The following MYO9A variants were observed in gnomAD, a reference collection of about 807,000 sequenced individuals.
MYO9A encodes the protein unconventional myosin-IXa.
MYO9A carries 103 observed loss-of-function variants against 293.3 expected under a neutral mutation model. The ratio of observed to expected loss-of-function variants is 0.35; its 90% CI spans 0.30 to 0.41. MYO9A has a LOEUF of 0.41. MYO9A is among the 10% of genes least tolerant of loss of function. The pLI, the probability that MYO9A is intolerant of heterozygous loss-of-function variation, is 1.00. For missense variants in MYO9A, 2,685 were observed against 3,033.0 expected, an observed-to-expected ratio of 0.89 and a Z score of 2.69; for synonymous variants, 1,001 against 1,035.7, an observed-to-expected ratio of 0.97 and a Z score of 0.64.
At chr15:71,925,414 T>G (rs2058285802) in intron 18 of MYO9A, among the ~76,000 whole-genome samples, 1 of 151,498 alleles carries the variant, frequency 6.6e-6, no homozygotes, top group Admixed American at 6.6e-5. Context: ...TATACATATC[T>G]ATGTATATGT....
rs1457583166 is a variant in MYO9A at position 71,825,935 on chromosome 15, A to G, written c.*645T>C. On this transcript the variant is annotated 3_prime_UTR_variant, in exon 42 of 42. Transcript: ENST00000356056. ...AAATAGGTATTCTCTTCTTCACTGTATAACAAGATATCTGAGACACGCTCT... is the reference window on the plus strand; with the variant it reads ...AAATAGGTATTCTCTTCTTCACTGTGTAACAAGATATCTGAGACACGCTCT... The G allele has an allele frequency of 1.3e-5, 2 of 151,744 alleles. No homozygotes were observed. The highest frequency in any genetic ancestry group is 1.5e-5 in the Non-Finnish European group (1 of 67,986). The allele number at this position is 151,744 out of a possible 1,614,324, so 9.4% of individuals were successfully genotyped here. A position where few individuals can be genotyped will look rare whatever the true frequency, so the allele number is the denominator to read the frequency against.
intron 8 of MYO9A, among the ~76,000 whole-genome samples, chr15:72,004,248 T>C (rs1224693391): frequency 2.0e-5 from 3 of 152,218 alleles, no homozygotes; most frequent in Non-Finnish European, 2.9e-5. Context: ...TAATTAAAAA[T>C]CTGATATGTA....
chr15:71,917,916 A>T (rs924959320), intron 18 of MYO9A, among the ~76,000 whole-genome samples: 13 of 152,218 alleles, frequency 8.5e-5, no homozygotes, highest in African/African-American at 3.1e-4. Flanking sequence ...ACACACATGT[A>T]AACAATCTGA....
chr15:71,827,792 T>C, intron 41 of MYO9A, 92 bp downstream of exon 41: 1 of 1,379,814 alleles, frequency 7.2e-7, no homozygotes, highest in Non-Finnish European at 9.8e-7. Context: ...GTACAGTCAG[T>C]AAATTCTTAA....
At chr15:71,999,343 A>C (rs74704987) in intron 9 of MYO9A, among the ~76,000 whole-genome samples, 6,328 of 152,150 alleles carry the variant, frequency 0.042, 227 homozygotes, top group Admixed American at 0.096. Context: ...ATTTAAAGTG[A>C]TGGGACTGGG....
At chr15:71,955,520 T>C (rs535457512) in intron 14 of MYO9A, among the ~76,000 whole-genome samples, 3 of 152,260 alleles carry the variant, frequency 2.0e-5, no homozygotes, top group African/African-American at 7.2e-5. Context: ...TCATTCATTC[T>C]GAGTATCAGT....
intron 26 of MYO9A, chr15:71,893,251 G>A: frequency 9.0e-7 from 1 of 1,108,152 alleles, no homozygotes; most frequent in Non-Finnish European, 1.2e-6. Flanking sequence ...TGATGCCAAT[G>A]AAAGACATCA....
At chr15:72,117,161 C>G (rs2081015140) in intron 1 of MYO9A, 1 of 152,194 alleles carries the variant, frequency 6.6e-6, no homozygotes, top group Non-Finnish European at 1.5e-5. Flanking sequence ...ACCACATCTA[C>G]CGGGAGTAAG....
At chr15:71,941,431 T>C (rs886798544) in intron 15 of MYO9A, among the ~76,000 whole-genome samples, 1 of 152,100 alleles carries the variant, frequency 6.6e-6, no homozygotes, top group African/African-American at 2.4e-5. Context: ...CAAGACTCCA[T>C]CTCAAAAACA....
At chr15:71,956,133 A>T (rs2957724) in intron 14 of MYO9A, among the ~76,000 whole-genome samples, 1 of 148,532 alleles carries the variant, frequency 6.7e-6, no homozygotes, top group Non-Finnish European at 1.5e-5. Flanking sequence ...AGCAAGACCC[A>T]CCTCCAAAAA....
At chr15:72,040,531 A>G (rs2078196186) in intron 2 of MYO9A, among the ~76,000 whole-genome samples, 1 of 151,984 alleles carries the variant, frequency 6.6e-6, no homozygotes, top group South Asian at 2.1e-4. Context: ...TCATTCATTA[A>G]TTTTACTCCT....
At chr15:71,934,619 G>A (rs2058576298) in intron 17 of MYO9A, among the ~76,000 whole-genome samples, 1 of 148,212 alleles carries the variant, frequency 6.7e-6, no homozygotes, top group African/African-American at 2.5e-5. Context: ...TTTTTTCTCA[G>A]AGACAGGATG....
intron 19 of MYO9A, among the ~76,000 whole-genome samples, chr15:71,910,523 GA>G (rs1228470757): frequency 6.6e-6 from 1 of 152,026 alleles, no homozygotes; most frequent in African/African-American, 2.4e-5. Flanking sequence ...ATTTTGCTAT[GA>G]ACATACTTAT....
chr15:71,943,407 T>G (rs2058829223), intron 15 of MYO9A, among the ~76,000 whole-genome samples: 1 of 152,076 alleles, frequency 6.6e-6, no homozygotes, highest in African/African-American at 2.4e-5. Context: ...GTATACCATC[T>G]GCAAGCAGTA....
chr15:71,960,308 G>C, intron 13 of MYO9A: 2 of 533,394 alleles, frequency 3.7e-6, no homozygotes, highest in Non-Finnish European at 6.6e-6. Flanking sequence ...AGTAATGAAT[G>C]AGTTTTTGTT....
chr15:71,860,969 CAA>C (rs61030744), intron 33 of MYO9A, among the ~76,000 whole-genome samples: 1,683 of 32,250 alleles, frequency 0.052, 17 homozygotes, highest in East Asian at 0.29. Flanking sequence ...TCCATCTCAC[CAA>C]AAAAAAAAAA....
At position 72,118,037 on chromosome 15, in the gene MYO9A, G is replaced by A. The variant is rs1027367739; in HGVS notation, c.-429C>T. The A allele has an allele frequency of 1.5e-5, 6 of 396,554 alleles. No individual in the cohort carries two copies. Among genetic ancestry groups the A allele is most frequent in the Non-Finnish European group, 2.2e-5 (5 of 224,760 alleles). The allele number at this position is 396,554 out of a possible 1,614,324, so 24.6% of individuals were successfully genotyped here. On this transcript the variant is annotated 5_prime_UTR_variant, in exon 1 of 42. Transcript: ENST00000356056. ...CGGGCTGTCCTGTACTCTCTCAACAGACACAGCCAACCGCCGCCGCGTCCC... is the reference window on the plus strand; with the variant it reads ...CGGGCTGTCCTGTACTCTCTCAACAAACACAGCCAACCGCCGCCGCGTCCC...
Position 71,933,687 on chromosome 15 carries a change from T to G in MYO9A, c.2545A>C (p.Lys849Gln). The G allele has an allele frequency of 6.2e-7, 1 of 1,607,978 alleles. No homozygotes were observed. The highest frequency in any genetic ancestry group is 1.1e-5 in the South Asian group (1 of 89,584). ...ILTRNKNFKS[K>Q]PALPKHLLEV... is the part of the protein sequence containing the mutation. ...GTACTCACCTTTGGAAGGGCAGGCTTGGATTTGAAATTTTTGTTTCTCCTA... is the reference window on the plus strand; with the variant it reads ...GTACTCACCTTTGGAAGGGCAGGCTGGGATTTGAAATTTTTGTTTCTCCTA... The change falls in exon 18 of 42, where the codon AAG becomes CAG. Residue 849 changes from lysine (K) to glutamine (Q), a missense_variant. By Grantham distance (53) the Lys-to-Gln change is moderately conservative (BLOSUM62 1). Coordinates refer to ENST00000356056, the MANE Select transcript of MYO9A (RefSeq NM_006901.4).
chr15:71,904,101 A>G (rs2143793380), intron 20 of MYO9A, 62 bp from the exon 21 acceptor site: 1 of 1,288,350 alleles, frequency 7.8e-7, no homozygotes, highest in Non-Finnish European at 1.1e-6. Flanking sequence ...TTATCTGTTT[A>G]TAAGCATGAC....
Sources: allele counts gnomAD v4.1 joint callset (sites outside exome capture counted in the v4.1 genomes callset), GRCh38; gene constraint gnomAD v4.1.1; transcripts MANE v1.5; gene names NCBI Gene and HGNC (gene_info 2026-07-23, HGNC 2026-07-21).